Variants in HSD17B12 observed in about 807,000 individuals in gnomAD.
HSD17B12 encodes the protein very-long-chain 3-oxoacyl-CoA reductase.
In HSD17B12, 32 loss-of-function variants were observed where a neutral mutation model predicts 39.3. The observed-to-expected ratio is 0.81, with a 90% CI of 0.61 to 1.09. The LOEUF is 1.09. Among genes scored for constraint, HSD17B12 ranks in the 50% least tolerant of loss-of-function variants. The pLI, the probability that HSD17B12 is intolerant of heterozygous loss-of-function variation, is 0.00. For missense variants in HSD17B12, 342 were observed against 382.9 expected (o/e 0.89, Z 0.89); for synonymous variants, 150 against 146.7 (o/e 1.02, Z -0.16).
chr11:43,678,690 A>G (rs1403258340), upstream of HSD17B12, among the ~76,000 whole-genome samples: 1 of 152,278 alleles, frequency 6.6e-6, no homozygotes, highest in East Asian at 1.9e-4. Context: ...ATTAAATAGG[A>G]AATCCTTTCC....
chr11:43,733,682 T>A (rs116164974), intron 1 of HSD17B12: 22,922 of 478,382 alleles, frequency 0.048, 664 homozygotes, highest in Non-Finnish European at 0.052. Flanking sequence ...TAGTAACTTT[T>A]AAAAAAAGGG....
the HSD17B12 span, among the ~76,000 whole-genome samples, chr11:43,613,251 A>G: frequency 1.3e-5 from 2 of 152,024 alleles, no homozygotes; most frequent in East Asian, 3.9e-4. Context: ...AATTAGCCAG[A>G]CATGGTGGCG....
intron 3 of HSD17B12, among the ~76,000 whole-genome samples, chr11:43,773,174 A>G (rs1415812244): frequency 6.6e-6 from 1 of 152,208 alleles, no homozygotes; most frequent in East Asian, 1.9e-4. Context: ...TGAATATTTT[A>G]TTAAGAACAT....
At chr11:43,671,174 TA>T in the HSD17B12 span, among the ~76,000 whole-genome samples, 1 of 152,202 alleles carries the variant, frequency 6.6e-6, no homozygotes, top group East Asian at 1.9e-4. Flanking sequence ...TTTATTTATT[TA>T]TTTTTTTGAG....
At chr11:43,730,857 G>A (rs1234663884) in intron 1 of HSD17B12, among the ~76,000 whole-genome samples, 1 of 152,180 alleles carries the variant, frequency 6.6e-6, no homozygotes, top group Non-Finnish European at 1.5e-5. Flanking sequence ...TGTAGTGTTA[G>A]TGTGATAAGC....
At chr11:43,810,371 A>T (rs916907458) in intron 4 of HSD17B12, among the ~76,000 whole-genome samples, 55 of 21,250 alleles carry the variant, frequency 2.6e-3, no homozygotes, top group Admixed American at 3.2e-3. Flanking sequence ...TAGAAATTAT[A>T]TATATATATA....
chr11:43,778,361 G>A (rs1950731002), intron 3 of HSD17B12, among the ~76,000 whole-genome samples: 1 of 151,590 alleles, frequency 6.6e-6, no homozygotes, highest in African/African-American at 2.4e-5. Flanking sequence ...CCAACCAAAA[G>A]GAGTCCAGGA....
intron 9 of HSD17B12, among the ~76,000 whole-genome samples, chr11:43,846,174 C>T (rs1951473337): frequency 6.6e-6 from 1 of 152,122 alleles, no homozygotes; most frequent in Admixed American, 6.5e-5. Context: ...CCTTAATCTC[C>T]CCTTCTGGCA....
the HSD17B12 span, among the ~76,000 whole-genome samples, chr11:43,638,074 A>G: frequency 6.6e-6 from 1 of 152,258 alleles, no homozygotes; most frequent in African/African-American, 2.4e-5. Flanking sequence ...GGGAAAGCAG[A>G]CTGAGAGAGG....
At chr11:43,623,469 A>G in the HSD17B12 span, among the ~76,000 whole-genome samples, 1 of 151,958 alleles carries the variant, frequency 6.6e-6, no homozygotes, top group Non-Finnish European at 1.5e-5. Context: ...TTGTGAAATG[A>G]TCAGCAGTTT....
At chr11:43,738,176 AGTT>A (rs1950334268) in intron 1 of HSD17B12, among the ~76,000 whole-genome samples, 1 of 150,986 alleles carries the variant, frequency 6.6e-6, no homozygotes, top group African/African-American at 2.4e-5. Context: ...TGAGTGAAGT[AGTT>A]CTCTCTAGCA....
At chr11:43,682,666 A>G (rs1949760733) in intron 1 of HSD17B12, among the ~76,000 whole-genome samples, 1 of 152,138 alleles carries the variant, frequency 6.6e-6, no homozygotes, top group Non-Finnish European at 1.5e-5. Context: ...CTGTTTGAAG[A>G]CTTTTGACTA....
intron 1 of HSD17B12, among the ~76,000 whole-genome samples, chr11:43,682,967 T>G (rs1295827169): frequency 3.3e-5 from 5 of 151,848 alleles, no homozygotes; most frequent in African/African-American, 9.7e-5. Flanking sequence ...ATTTTTTTTG[T>G]TTTTTGTAGA....
At chr11:43,646,965 T>C in the HSD17B12 span, among the ~76,000 whole-genome samples, 1 of 152,230 alleles carries the variant, frequency 6.6e-6, no homozygotes, top group South Asian at 2.1e-4. Flanking sequence ...AAGGTGTCTT[T>C]TTGAAACCCA....
the HSD17B12 span, among the ~76,000 whole-genome samples, chr11:43,597,531 T>C: frequency 1.3e-5 from 2 of 152,172 alleles, no homozygotes; most frequent in South Asian, 2.1e-4. Context: ...CTGGTGATAA[T>C]ATTAGAGTGG....
chr11:43,636,767 G>A, the HSD17B12 span, among the ~76,000 whole-genome samples: 1 of 151,972 alleles, frequency 6.6e-6, no homozygotes, highest in African/African-American at 2.4e-5. Context: ...CTTTTTGTTT[G>A]TTTGTTTAAT....
In HSD17B12 at chr11:43,812,911, G is replaced by A. The variant is rs1188991675; in HGVS notation, c.392-2526G>A. ...TGCTGGAGTGCAGTGGCGTGATCTC[G>A]GCTCACTGCAACCTTCGCCTCCTGG... On this transcript the variant is annotated intron_variant, in intron 4 of 10. Transcript: ENST00000278353. Among the ~76,000 whole-genome samples, 3 of 151,968 alleles carry A rather than the reference G, an allele frequency of 2.0e-5. No individual in the cohort carries two copies. The South Asian group carries it at 6.2e-4, about 32-fold the overall frequency.
the HSD17B12 span, among the ~76,000 whole-genome samples, chr11:43,586,510 G>C: frequency 6.6e-6 from 1 of 152,106 alleles, no homozygotes; most frequent in Admixed American, 6.6e-5. Flanking sequence ...TTGTCCTGTG[G>C]GGCTTGACTG....
chr11:43,812,044 C>T (rs568490733), intron 4 of HSD17B12, among the ~76,000 whole-genome samples: 29 of 152,240 alleles, frequency 1.9e-4, no homozygotes, highest in African/African-American at 6.7e-4. Flanking sequence ...CTATAAATTA[C>T]AGGATTTTAT....
Sources: allele counts gnomAD v4.1 joint callset (sites outside exome capture counted in the v4.1 genomes callset), GRCh38; gene constraint gnomAD v4.1.1; transcripts MANE v1.5; gene names NCBI Gene and HGNC (gene_info 2026-07-23, HGNC 2026-07-21).